TSNARE1: variants seen among roughly 807,000 people sequenced by gnomAD.
The protein encoded by TSNARE1 is t-SNARE domain-containing protein 1.
Under a neutral mutation model 62.0 loss-of-function variants are expected in TSNARE1, and 49 were observed. The ratio of observed to expected loss-of-function variants is 0.79; its 90% CI spans 0.63 to 1.00. TSNARE1 has a LOEUF of 1.00. TSNARE1 is among the 50% of genes least tolerant of loss of function. TSNARE1 has a pLI of 0.00. For synonymous variants in TSNARE1, 328 were observed against 294.4 expected (o/e 1.11, Z -1.17); for missense variants, 755 against 700.1 (o/e 1.08, Z -0.88).
At chr8:142,324,371 C>T (rs1829897643) in intron 6 of TSNARE1, among the ~76,000 whole-genome samples, 1 of 152,194 alleles carries the variant, frequency 6.6e-6, no homozygotes, top group African/African-American at 2.4e-5. Flanking sequence ...GTCTGCACAG[C>T]TGCCAGCTCG....
Position 142,288,536 on chromosome 8 carries a change from C to G in TSNARE1, c.1291-4051G>C, listed in dbSNP as rs556733384. Among the ~76,000 whole-genome samples the G allele has an allele frequency of 1.1e-4, 17 of 152,348 alleles. 1 individual carries two copies. The East Asian group carries it at 3.3e-3, about 29-fold the overall frequency. On this transcript the variant is annotated intron_variant, in intron 10 of 13. Transcript: ENST00000524325. Reference sequence around the variant, plus strand: ...CAGATAGCTTGCTCCTCCAAGGCCCCGGGTCCTCCTGGGCAGAAGGGTTTT... The same window carrying G: ...CAGATAGCTTGCTCCTCCAAGGCCCGGGGTCCTCCTGGGCAGAAGGGTTTT...
rs201154790 is a variant in TSNARE1 at position 142,368,264 on chromosome 8, C to CA, written c.-39-13502dup. ...CTCATAAAAACTACAGGGAAACAAA[C>CA]AAAAAAAACAGGCAAAAGACACAAA... On this transcript the variant is annotated intron_variant, in intron 1 of 13. Coordinates refer to ENST00000524325, the MANE Select transcript of TSNARE1 (RefSeq NM_145003.5). 5.5e-3 allele frequency among the ~76,000 whole-genome samples: 838 copies of CA among 151,632 alleles called. 8 individuals are homozygous for CA. The highest frequency in any genetic ancestry group is 0.018 in the African/African-American group (756 of 41,324).
At chr8:142,347,173 C>T (rs1037019816) in intron 2 of TSNARE1, among the ~76,000 whole-genome samples, 9 of 152,348 alleles carry the variant, frequency 5.9e-5, no homozygotes, top group East Asian at 1.9e-4. Flanking sequence ...TGGCTCATTT[C>T]GGGGCGGAGG....
chr8:142,324,179 C>A (rs924995717), intron 6 of TSNARE1, among the ~76,000 whole-genome samples: 15 of 152,218 alleles, frequency 9.9e-5, no homozygotes, highest in Admixed American at 8.5e-4. Context: ...TCAGCAGAGC[C>A]AAAAGAAACC....
chr8:142,400,694 T>C (rs1296156344), intron 1 of TSNARE1, among the ~76,000 whole-genome samples: 2 of 152,176 alleles, frequency 1.3e-5, no homozygotes, highest in Non-Finnish European at 2.9e-5. Flanking sequence ...GCCTAACCCC[T>C]AGCCAACTGT....
At chr8:142,389,205 A>AG (rs1488216410) in intron 1 of TSNARE1, among the ~76,000 whole-genome samples, 1 of 152,258 alleles carries the variant, frequency 6.6e-6, no homozygotes, top group African/African-American at 2.4e-5. Context: ...TAGATACAGA[A>AG]GAATAACAGT....
intron 4 of TSNARE1, among the ~76,000 whole-genome samples, chr8:142,339,579 C>A (rs1343367481): frequency 3.3e-5 from 5 of 152,240 alleles, no homozygotes; most frequent in Non-Finnish European, 7.3e-5. Flanking sequence ...CCCAGGGAGA[C>A]AGGGTCACCT....
chr8:142,366,013 G>A, intron 1 of TSNARE1: 1 of 393,470 alleles, frequency 2.5e-6, no homozygotes, highest in Non-Finnish European at 5.0e-6. Flanking sequence ...AATTGTCCCA[G>A]GACACTGAAA....
chr8:142,340,388 C>T (rs1364702036), intron 4 of TSNARE1, among the ~76,000 whole-genome samples: 1 of 152,168 alleles, frequency 6.6e-6, no homozygotes, highest in Non-Finnish European at 1.5e-5. Context: ...ACGTCCAGAA[C>T]AGGCAAAGCC....
At chr8:142,267,660 C>T (rs1057434224) in intron 12 of TSNARE1, among the ~76,000 whole-genome samples, 2 of 152,162 alleles carry the variant, frequency 1.3e-5, no homozygotes, top group Admixed American at 1.3e-4. Context: ...ACCATCCCTG[C>T]CACTCCCCCC....
chr8:142,229,394 G>C, intron 13 of TSNARE1, 79 bp downstream of exon 13: 1 of 1,164,514 alleles, frequency 8.6e-7, no homozygotes, highest in Non-Finnish European at 1.3e-6. Context: ...TGGATGGTTA[G>C]ATGGATGGTG....
At chr8:142,348,813 C>G (rs866621686) in intron 2 of TSNARE1, among the ~76,000 whole-genome samples, 2 of 152,240 alleles carry the variant, frequency 1.3e-5, no homozygotes, top group Middle Eastern at 3.4e-3. Flanking sequence ...GAGCTTTCTT[C>G]TGTGTATCTG....
chr8:142,308,606 G>A (rs1369931831), intron 9 of TSNARE1, among the ~76,000 whole-genome samples: 1 of 152,112 alleles, frequency 6.6e-6, no homozygotes, highest in Non-Finnish European at 1.5e-5. Context: ...CCGTGGGCTG[G>A]TGTGTCCACG....
At chr8:142,253,918 C>CT (rs1223794571) in intron 12 of TSNARE1, among the ~76,000 whole-genome samples, 1 of 152,244 alleles carries the variant, frequency 6.6e-6, no homozygotes, top group Non-Finnish European at 1.5e-5. Context: ...CGACCCAGGG[C>CT]TGCCCACTGA....
intron 9 of TSNARE1, among the ~76,000 whole-genome samples, chr8:142,304,157 G>A (rs549388476): frequency 8.0e-4 from 122 of 152,376 alleles, no homozygotes; most frequent in African/African-American, 2.5e-3. Flanking sequence ...GTTGACAAGC[G>A]CAACTCGTCC....
At chr8:142,317,263 ATGGCCAGCGGCTCACACTGTACGCGTG>A in intron 7 of TSNARE1, among the ~76,000 whole-genome samples, 1 of 146,896 alleles carries the variant, frequency 6.8e-6, no homozygotes, top group South Asian at 2.2e-4. Context: ...TGAAGCGGGT[ATGGCCAGCGGCTCACACTGTACGCGTG>A]AAGCGGGTAT....
At chr8:142,342,627 G>A (rs925760450) in intron 4 of TSNARE1, among the ~76,000 whole-genome samples, 1 of 152,216 alleles carries the variant, frequency 6.6e-6, no homozygotes, top group African/African-American at 2.4e-5. Flanking sequence ...GCACGGCCTC[G>A]TTCAACAGTC....
chr8:142,401,730 C>G (rs773454006), intron 1 of TSNARE1, among the ~76,000 whole-genome samples: 1 of 152,178 alleles, frequency 6.6e-6, no homozygotes, highest in Admixed American at 6.5e-5. Context: ...CCAGCCAAAA[C>G]TCAACCTCCT....
rs1828944821 is a variant in TSNARE1, at chr8:142,318,546, G to C, written c.982C>G (p.Pro328Ala). ...QMAELLRSSCPQERLQQERPQ... is the reference protein window; with the variant it reads ...QMAELLRSSCAQERLQQERPQ... ...AGCCCCAGACCCCAGGAACATACCG[G>C]GCAGGAGCTGCGCAGCAGCTCGGCC... is the stretch of plus-strand genomic sequence containing the variant. The change falls in exon 7 of 14, where the codon CCG becomes GCG. Residue 328 changes from proline to alanine, a missense_variant and splice_region_variant. Coordinates refer to ENST00000524325, the MANE Select transcript of TSNARE1 (RefSeq NM_145003.5). 1 of 1,612,520 alleles carries C rather than the reference G, an allele frequency of 6.2e-7. No homozygotes were observed. The highest frequency in any genetic ancestry group is 8.5e-7 in the Non-Finnish European group (1 of 1,179,946).
Sources: allele counts gnomAD v4.1 joint callset (sites outside exome capture counted in the v4.1 genomes callset), GRCh38; gene constraint gnomAD v4.1.1; transcripts MANE v1.5; gene names NCBI Gene and HGNC (gene_info 2026-07-23, HGNC 2026-07-21).